The following UBE2E1 variants were observed in gnomAD, a reference collection of about 807,000 sequenced individuals.
UBE2E1 encodes ubiquitin-conjugating enzyme E2 E1.
A neutral mutation model predicts 21.4 loss-of-function variants in UBE2E1; 6 were observed. The observed-to-expected ratio is 0.28, with a 90% CI of 0.15 to 0.55. UBE2E1 has a LOEUF of 0.55. Among genes scored for constraint, UBE2E1 ranks in the 20% least tolerant of loss-of-function variants. UBE2E1 has a pLI of 0.93. For missense variants in UBE2E1, 142 were observed against 236.5 expected (o/e 0.60, Z 2.62); for synonymous variants, 87 against 82.7 (o/e 1.05, Z -0.28).
intron 3 of UBE2E1, among the ~76,000 whole-genome samples, chr3:23,878,469 C>G (rs999513930): frequency 6.6e-6 from 1 of 152,220 alleles, no homozygotes; most frequent in Non-Finnish European, 1.5e-5. Flanking sequence ...CCACAGACCC[C>G]GTACTGGTCC....
At chr3:23,840,755 G>A (rs780493452) in intron 3 of UBE2E1, among the ~76,000 whole-genome samples, 2 of 152,106 alleles carry the variant, frequency 1.3e-5, no homozygotes, top group Admixed American at 6.6e-5. Context: ...AATACTTGAC[G>A]GGACCCTCTA....
chr3:23,862,365 G>A (rs1559488302), intron 3 of UBE2E1, among the ~76,000 whole-genome samples: 3 of 152,056 alleles, frequency 2.0e-5, no homozygotes, highest in East Asian at 1.9e-4. Flanking sequence ...TGAAAAAAAC[G>A]TATTAAGCTC....
chr3:23,818,455 A>G (rs1274182159), intron 3 of UBE2E1, among the ~76,000 whole-genome samples: 1 of 152,194 alleles, frequency 6.6e-6, no homozygotes, highest in Non-Finnish European at 1.5e-5. Flanking sequence ...TTCTGACCCT[A>G]CATGTTCTTC....
rs1381420706 is a variant in UBE2E1, at chr3:23,887,954, G to C, written c.336+255G>C. ...TTATAGTAATATTGTCAGCAACCTA[G>C]AATTAATCCCCTGTTTTCCAGCCCA... is the stretch of plus-strand genomic sequence containing the variant. On this transcript the variant is annotated intron_variant, in intron 4 of 5. Transcript: ENST00000306627. This position sits in a 1 kb window ranked among gnomAD's most constrained non-coding sequence, Gnocchi z 4.4. Among the ~76,000 whole-genome samples, 1 of 152,200 alleles carries C rather than the reference G, an allele frequency of 6.6e-6. No homozygotes were observed. Among genetic ancestry groups the C allele is most frequent in the Non-Finnish European group, 1.5e-5 (1 of 68,034 alleles).
At chr3:23,882,708 A>C (rs1469428769) in intron 3 of UBE2E1, among the ~76,000 whole-genome samples, 1 of 152,046 alleles carries the variant, frequency 6.6e-6, no homozygotes, top group African/African-American at 2.4e-5. Context: ...GCCTGGCGAG[A>C]ATTTGAGCCT....
chr3:23,873,989 A>C (rs1322143499), intron 3 of UBE2E1, among the ~76,000 whole-genome samples: 1 of 152,120 alleles, frequency 6.6e-6, no homozygotes, highest in South Asian at 2.1e-4. Context: ...TGTTCACACA[A>C]CTCTGCTTTG....
intron 3 of UBE2E1, among the ~76,000 whole-genome samples, chr3:23,838,835 C>T (rs947546947): frequency 1.3e-5 from 2 of 150,190 alleles, no homozygotes; most frequent in Admixed American, 1.3e-4. Flanking sequence ...TTCAATTTAT[C>T]CTATTTGTAT....
rs1224735200 is a variant in UBE2E1, at chr3:23,810,065, A to G, written c.153-1395A>G. On this transcript the variant is annotated intron_variant, in intron 2 of 5. Transcript: ENST00000306627. This position sits in a 1 kb window ranked among gnomAD's most constrained non-coding sequence, Gnocchi z 5.8. ...TTAAAACCTGTTCCTCATTACATAT[A>G]GCTCGTCCGTCCTCCTACCCGCAGA... Among the ~76,000 whole-genome samples, 4 of 152,190 alleles carry G rather than the reference A, an allele frequency of 2.6e-5. No individual in the cohort carries two copies. Among genetic ancestry groups the G allele is most frequent in the African/African-American group, 9.7e-5 (4 of 41,442 alleles).
chr3:23,842,246 T>TGTGTGTGTGTGTG lies in UBE2E1; in HGVS notation c.203+30739_203+30740insTGTGTGTGTGGTG, dbSNP rs759418034. Among the ~76,000 whole-genome samples the TGTGTGTGTGTGTG allele has an allele frequency of 3.2e-3, 116 of 36,746 alleles. No homozygotes were observed. Among genetic ancestry groups the TGTGTGTGTGTGTG allele is most frequent in the African/African-American group, 8.2e-3 (104 of 12,744 alleles). The allele number at this position is 36,746 out of a possible 152,430, so 24.1% of individuals were successfully genotyped here. A position where few individuals can be genotyped will look rare whatever the true frequency, so the allele number is the denominator to read the frequency against. ...GTGTGTGTGTGTGTGTGTGTGTGTGTGTGGTGTTGTTGTTGTTGGCGACAG... is the reference window on the plus strand; with the variant it reads ...GTGTGTGTGTGTGTGTGTGTGTGTGTGTGTGTGTGTGTGGTGGTGTTGTTGTTGTTGGCGACAG... On this transcript the variant is annotated intron_variant, in intron 3 of 5. Transcript: ENST00000306627. The surrounding 1 kb of genome is among the most constrained non-coding windows in gnomAD (Gnocchi z 4.6).
At chr3:23,889,900 A>C (rs1701325386) in intron 5 of UBE2E1, 1 of 174,620 alleles carries the variant, frequency 5.7e-6, no homozygotes, top group Admixed American at 6.6e-5. Flanking sequence ...GTCTCAAAAA[A>C]TATATATATA....
chr3:23,831,777 A>G (rs963414413), intron 3 of UBE2E1, among the ~76,000 whole-genome samples: 2 of 148,026 alleles, frequency 1.4e-5, no homozygotes, highest in African/African-American at 5.0e-5. Context: ...GCTCAGTGCA[A>G]CCTCTGCCTT....
intron 3 of UBE2E1, among the ~76,000 whole-genome samples, chr3:23,855,795 A>T (rs546557729): frequency 6.6e-6 from 1 of 152,120 alleles, no homozygotes; most frequent in Non-Finnish European, 1.5e-5. Flanking sequence ...ATGCCACTGC[A>T]CTCCAGCCTG....
chr3:23,835,498 C>G (rs1183949726), intron 3 of UBE2E1, among the ~76,000 whole-genome samples: 1 of 152,068 alleles, frequency 6.6e-6, no homozygotes, highest in Non-Finnish European at 1.5e-5. Context: ...ACAGTCACAC[C>G]AGGGCCCCAT....
At chr3:23,822,096 G>A (rs1699657750) in intron 3 of UBE2E1, among the ~76,000 whole-genome samples, 1 of 152,178 alleles carries the variant, frequency 6.6e-6, no homozygotes, top group Admixed American at 6.5e-5. Flanking sequence ...TCAAGAGAGT[G>A]TGGTATTAGA....
At chr3:23,820,267 C>G (rs1299871736) in intron 3 of UBE2E1, among the ~76,000 whole-genome samples, 1 of 152,186 alleles carries the variant, frequency 6.6e-6, no homozygotes, top group African/African-American at 2.4e-5. Flanking sequence ...GCTTCTAATC[C>G]TCTGGGAAAC....
intron 3 of UBE2E1, among the ~76,000 whole-genome samples, chr3:23,880,381 C>G (rs1472193640): frequency 6.6e-6 from 1 of 152,024 alleles, no homozygotes; most frequent in Non-Finnish European, 1.5e-5. Flanking sequence ...GAAGCTCTGT[C>G]TTAAAAATAA....
In UBE2E1 at chr3:23,808,255, T is replaced by G. The variant is rs971117293; in HGVS notation, c.152+834T>G. On this transcript the variant is annotated intron_variant, in intron 2 of 5. Coordinates refer to ENST00000306627, the MANE Select transcript of UBE2E1 (RefSeq NM_003341.5). This position sits in a 1 kb window ranked among gnomAD's most constrained non-coding sequence, Gnocchi z 4.9. ...TTCTTTATTCTTTTCCTCTTAAGCC[T>G]CTGGAGGTAGCTACTTTTTACCCCT... Among the ~76,000 whole-genome samples the G allele has an allele frequency of 3.9e-5, 6 of 152,164 alleles. No individual in the cohort carries two copies. The highest frequency in any genetic ancestry group is 7.3e-5 in the Non-Finnish European group (5 of 68,042).
At chr3:23,877,406 T>C (rs1700939643) in intron 3 of UBE2E1, among the ~76,000 whole-genome samples, 3 of 152,214 alleles carry the variant, frequency 2.0e-5, no homozygotes, top group East Asian at 1.9e-4. Flanking sequence ...AAATTTTCTC[T>C]AAGGCAGGGT....
rs568239531 is a variant in UBE2E1, at chr3:23,855,808, C to T, written c.204-31759C>T. The stretch of plus-strand genomic sequence containing the variant: ...TCATGCCACTGCACTCCAGCCTGGG[C>T]GACAGAGTAAGACTCCGTCTCAAAA... On this transcript the variant is annotated intron_variant, in intron 3 of 5. Coordinates refer to ENST00000306627, the MANE Select transcript of UBE2E1 (RefSeq NM_003341.5). Among the ~76,000 whole-genome samples, 54 of 151,344 alleles carry T rather than the reference C, an allele frequency of 3.6e-4. No homozygotes were observed. The East Asian group carries it at 5.5e-3, about 15-fold the overall frequency.
Sources: allele counts gnomAD v4.1 joint callset (sites outside exome capture counted in the v4.1 genomes callset), GRCh38; gene constraint gnomAD v4.1.1; non-coding constraint Gnocchi (gnomAD v3.1); transcripts MANE v1.5; gene names NCBI Gene and HGNC (gene_info 2026-07-23, HGNC 2026-07-21).